The following ARPP21 variants were observed in gnomAD, a reference collection of about 807,000 sequenced individuals.
ARPP21 encodes cAMP-regulated phosphoprotein 21.
Under a neutral mutation model 113.2 loss-of-function variants are expected in ARPP21, and 69 were observed. That is an observed-to-expected ratio of 0.61 (90% CI 0.50 to 0.74). The LOEUF (loss-of-function observed/expected upper bound fraction) is 0.74, where lower values mean the gene tolerates loss of function less well. ARPP21 is among the 30% of genes least tolerant of loss of function. ARPP21 has a pLI of 0.00. For missense variants in ARPP21, 1,070 were observed against 1,037.4 expected, an observed-to-expected ratio of 1.03 and a Z score of -0.43; for synonymous variants, 368 against 375.5, an observed-to-expected ratio of 0.98 and a Z score of 0.23.
intron 9 of ARPP21, among the ~76,000 whole-genome samples, chr3:35,704,608 T>C (rs1447100073): frequency 6.6e-6 from 1 of 152,012 alleles, no homozygotes; most frequent in African/African-American, 2.4e-5. Flanking sequence ...ATCTCACTAA[T>C]GCTCTAAATT....
intron 9 of ARPP21, among the ~76,000 whole-genome samples, chr3:35,694,863 CA>C (rs2083370147): frequency 6.7e-6 from 1 of 149,062 alleles, no homozygotes; most frequent in African/African-American, 2.5e-5. Flanking sequence ...ATTACTGCCA[CA>C]AGATGTGATT....
intron 9 of ARPP21, among the ~76,000 whole-genome samples, chr3:35,704,521 A>G (rs1466282434): frequency 1.3e-5 from 2 of 151,926 alleles, no homozygotes; most frequent in African/African-American, 4.8e-5. Flanking sequence ...CAGATTTAAA[A>G]CAAACAAAAA....
intron 19 of ARPP21, among the ~76,000 whole-genome samples, chr3:35,759,674 CTCTGTGTGTGTGTGTG>C (rs1478396496): frequency 7.7e-6 from 1 of 130,586 alleles, no homozygotes; most frequent in Non-Finnish European, 1.7e-5. Context: ...CATTTTCTCT[CTCTGTGTGTGTGTGTG>C]TGTGTGTGTG....
intron 1 of ARPP21, among the ~76,000 whole-genome samples, chr3:35,661,692 A>G (rs947757351): frequency 6.6e-6 from 1 of 152,200 alleles, no homozygotes; most frequent in Non-Finnish European, 1.5e-5. Context: ...TCAAAAGAGT[A>G]CTTTTGTAGG....
intron 19 of ARPP21, among the ~76,000 whole-genome samples, chr3:35,749,431 CAA>C (rs61007987): frequency 3.1e-4 from 31 of 100,750 alleles, no homozygotes; most frequent in Middle Eastern, 7.1e-3. Context: ...TTCCTAAAAG[CAA>C]AAAAAAAAAA....
rs140399298 is a variant in ARPP21, at chr3:35,740,195, C to T, written c.2010+618C>T. ...ACCACAGATCACTGATTTTTACTGT[C>T]TTCTCAAAGACTGATTATGTGTTAC... On this transcript the variant is annotated intron_variant, in intron 18 of 20. Coordinates refer to ENST00000684406, the MANE Select transcript of ARPP21 (RefSeq NM_001385562.1). Among the ~76,000 whole-genome samples, 368 of 152,300 alleles carry T rather than the reference C, an allele frequency of 2.4e-3. 3 individuals carry two copies. The highest frequency in any genetic ancestry group is 8.6e-3 in the African/African-American group (357 of 41,562).
chr3:35,771,555 C>G (rs962974077), intron 19 of ARPP21, among the ~76,000 whole-genome samples: 1 of 152,136 alleles, frequency 6.6e-6, no homozygotes, highest in African/African-American at 2.4e-5. Flanking sequence ...TCTTCAATTC[C>G]TGACCTCAGG....
chr3:35,778,395 A>C (rs898798002), intron 19 of ARPP21, among the ~76,000 whole-genome samples: 2 of 152,078 alleles, frequency 1.3e-5, no homozygotes, highest in Admixed American at 6.5e-5. Context: ...AGAGGGAGAG[A>C]GAGCAGGCAG....
At position 35,733,198 on chromosome 3, in the gene ARPP21, C is replaced by CT. The variant is rs370016238; in HGVS notation, c.1459+3674dup. The stretch of plus-strand genomic sequence containing the variant: ...AGGGTCCATGCTTATTTTTTATTTG[C>CT]TTTTTTTTTTTTCCTTTCCTGAGAT... On this transcript the variant is annotated intron_variant, in intron 15 of 20. Transcript: ENST00000684406. Among the ~76,000 whole-genome samples the CT allele has an allele frequency of 3.3e-3, 470 of 144,438 alleles. 2 individuals are homozygous for CT. The highest frequency in any genetic ancestry group is 9.0e-3 in the African/African-American group (356 of 39,620). The allele number at this position is 144,438 out of a possible 152,430, so 94.8% of individuals were successfully genotyped here.
chr3:35,664,614 C>A (rs1375675751), intron 1 of ARPP21, among the ~76,000 whole-genome samples: 1 of 152,200 alleles, frequency 6.6e-6, no homozygotes, highest in Non-Finnish European at 1.5e-5. Flanking sequence ...AGGAGTGAAT[C>A]AGCAGTCCGC....
At chr3:35,727,262 G>A (rs1190155188) in intron 14 of ARPP21, among the ~76,000 whole-genome samples, 4 of 152,128 alleles carry the variant, frequency 2.6e-5, no homozygotes, top group African/African-American at 7.2e-5. Context: ...ATGTGGGGTC[G>A]TGATTAAAGC....
rs58955088 is a variant in ARPP21, at chr3:35,675,798, A to AGATGATGAT, written c.-212-3958_-212-3950dup. Among the ~76,000 whole-genome samples the AGATGATGAT allele has an allele frequency of 1.8e-3, 276 of 149,352 alleles. 1 individual carries two copies. The highest frequency in any genetic ancestry group is 2.3e-3 in the Admixed American group (34 of 14,942). On this transcript the variant is annotated intron_variant, in intron 1 of 20. Transcript: ENST00000684406. ...ATGTCACCAGGTACTGCTAAGATGAAGATGATGATGATGATGATGATGATG... is the reference window on the plus strand; with the variant it reads ...ATGTCACCAGGTACTGCTAAGATGAAGATGATGATGATGATGATGATGATGATGATGATG...
intron 14 of ARPP21, among the ~76,000 whole-genome samples, chr3:35,724,142 G>C (rs2093346770): frequency 6.6e-6 from 1 of 152,022 alleles, no homozygotes. Flanking sequence ...TTCCACATTG[G>C]AAACACATTT....
Position 35,690,854 on chromosome 3 carries a change from T to C in ARPP21, c.546-11T>C. On this transcript the variant is annotated splice_polypyrimidine_tract_variant and intron_variant, in intron 8 of 20. Transcript: ENST00000684406. The stretch of plus-strand genomic sequence containing the variant: ...AATGCTGATTCCACTTTTTCTTGAA[T>C]TATGTTCTAGTAATCATTATAAAAA... The C allele has an allele frequency of 2.5e-6, 4 of 1,589,124 alleles. No homozygotes were observed. Among genetic ancestry groups the C allele is most frequent in the Non-Finnish European group, 3.4e-6 (4 of 1,169,470 alleles).
At chr3:35,667,703 A>G (rs1238164799) in intron 1 of ARPP21, among the ~76,000 whole-genome samples, 1 of 152,014 alleles carries the variant, frequency 6.6e-6, no homozygotes, top group Non-Finnish European at 1.5e-5. Context: ...AATGTAATCT[A>G]GTCTTAAATT....
At position 35,687,859 on chromosome 3, in the gene ARPP21, C is replaced by T. The variant is rs758293612; in HGVS notation, c.382C>T (p.Pro128Ser). Reference sequence around the variant, plus strand: ...AAACAAAGATAAAACCTCTGAAAAACCCAAGATCAGAATGTTATCAAAAGG... The same window carrying T: ...AAACAAAGATAAAACCTCTGAAAAATCCAAGATCAGAATGTTATCAAAAGG... Reference protein sequence around the residue: ...DKNKDKTSEKPKIRMLSKDCS... With the variant: ...DKNKDKTSEKSKIRMLSKDCS... Residue 128 changes from proline (P) to serine (S), a missense_variant, in exon 6 of 21, where the codon CCC becomes TCC. By Grantham distance (74) the Pro-to-Ser change is moderately conservative. Transcript: ENST00000684406. The T allele has an allele frequency of 1.3e-6, 2 of 1,587,450 alleles. No homozygotes were observed. The highest frequency in any genetic ancestry group is 4.5e-5 in the East Asian group (2 of 44,260).
At chr3:35,739,634 T>C in intron 18 of ARPP21, 57 bp downstream of exon 18, 1 of 1,532,548 alleles carries the variant, frequency 6.5e-7, no homozygotes, top group Admixed American at 2.0e-5. Context: ...CATTTTGACC[T>C]TTATCTTTCT....
rs561161837 is a variant in ARPP21 at position 35,691,983 on chromosome 3, G to A, written c.686+978G>A. ...GGTTGGGACAAGTGGGGATGGAGATGAGGCGCTTTCTCAACTCAAGCATCA... is the reference window on the plus strand; with the variant it reads ...GGTTGGGACAAGTGGGGATGGAGATAAGGCGCTTTCTCAACTCAAGCATCA... On this transcript the variant is annotated intron_variant, in intron 9 of 20. Transcript: ENST00000684406. 6.2e-4 allele frequency among the ~76,000 whole-genome samples: 94 copies of A among 151,664 alleles called. 1 individual carries two copies. Among genetic ancestry groups the A allele is most frequent in the African/African-American group, 1.9e-3 (79 of 41,456 alleles).
Position 35,748,812 on chromosome 3 carries a change from C to T in ARPP21, c.2137+4847C>T, listed in dbSNP as rs188315722. Among the ~76,000 whole-genome samples, 6 of 152,312 alleles carry T rather than the reference C, an allele frequency of 3.9e-5. No homozygotes were observed. In the East Asian group the frequency reaches 1.2e-3, roughly 29 times the overall value. ...GCCACAAAAATATTAGCAATTATCACATCTCCCATTGACTCGGGATCTCTA... is the reference window on the plus strand; with the variant it reads ...GCCACAAAAATATTAGCAATTATCATATCTCCCATTGACTCGGGATCTCTA... On this transcript the variant is annotated intron_variant, in intron 19 of 20. Transcript: ENST00000684406.
Sources: gnomAD v4.1 joint callset for allele counts (sites outside exome capture counted in the v4.1 genomes callset) on GRCh38, gnomAD v4.1.1 for gene constraint, MANE v1.5 for transcripts, NCBI Gene and HGNC (gene_info 2026-07-23, HGNC 2026-07-21) for gene names.